RRM1: variants seen among roughly 807,000 people sequenced by gnomAD.
The protein encoded by RRM1 is ribonucleotide reductase catalytic subunit M1.
A neutral mutation model predicts 101.5 loss-of-function variants in RRM1; 19 were observed. That is an observed-to-expected ratio of 0.19 (90% CI 0.13 to 0.27). RRM1 has a LOEUF of 0.27. Among genes scored for constraint, RRM1 ranks in the 10% least tolerant of loss-of-function variants. The pLI is 1.00. For synonymous variants in RRM1, 298 were observed against 323.4 expected, an observed-to-expected ratio of 0.92 and a Z score of 0.84; for missense variants, 500 against 962.9, an observed-to-expected ratio of 0.52 and a Z score of 6.36.
intron 12 of RRM1, among the ~76,000 whole-genome samples, chr11:4,125,751 C>T (rs1010119637): frequency 1.4e-4 from 22 of 152,150 alleles, no homozygotes; most frequent in African/African-American, 4.8e-4. Context: ...AAATTATACC[C>T]CCTTCATCTT....
At chr11:4,128,241 AC>A (rs1330771097) in intron 14 of RRM1, among the ~76,000 whole-genome samples, 1 of 150,360 alleles carries the variant, frequency 6.7e-6, no homozygotes, top group Non-Finnish European at 1.5e-5. Flanking sequence ...GATCACTGCA[AC>A]CTCTGCTTCT....
At chr11:4,109,493 T>C (rs1423514973) in intron 4 of RRM1, 151 bp from the exon 5 acceptor site, 4 of 443,254 alleles carry the variant, frequency 9.0e-6, no homozygotes, top group Non-Finnish European at 1.6e-5. Flanking sequence ...GAATGTTAGA[T>C]GGACTTCTAT....
rs576139564 is a variant in RRM1 at position 4,098,630 on chromosome 11, G to T, written c.20-3363G>T. On this transcript the variant is annotated intron_variant, in intron 1 of 18. Coordinates refer to ENST00000300738, the MANE Select transcript of RRM1 (RefSeq NM_001033.5). The stretch of plus-strand genomic sequence containing the variant: ...TACTCTGATAGGTAAAGTATAGGCA[G>T]TAGAGGCCATTCATTCAGTTATTCA... 1.1e-4 allele frequency among the ~76,000 whole-genome samples: 17 copies of T among 152,304 alleles called. No homozygotes were observed. In the East Asian group the frequency reaches 3.3e-3, roughly 29 times the overall value.
At position 4,123,260 on chromosome 11, in the gene RRM1, A is replaced by C. The variant is rs1288415863; in HGVS notation, c.1196A>C (p.Glu399Ala). ...LWYAIIESQT[E>A]TGTPYMLYKD... ...TATGCCATCATTGAGTCTCAGACGG[A>C]AACAGGCACCCCGTATATGCTCTAC... Residue 399 changes from glutamate (E) to alanine (A), a missense_variant, in exon 12 of 19, where the codon GAA becomes GCA. Coordinates refer to ENST00000300738, the MANE Select transcript of RRM1 (RefSeq NM_001033.5). 1 of 1,614,064 alleles carries C rather than the reference A, an allele frequency of 6.2e-7. No individual in the cohort carries two copies. The highest frequency in any genetic ancestry group is 8.5e-7 in the Non-Finnish European group (1 of 1,180,028).
Position 4,121,752 on chromosome 11 carries a change from T to C in RRM1, c.1025T>C (p.Val342Ala). Residue 342 changes from valine (V) to alanine (A), a missense_variant, in exon 10 of 19, where the codon GTG (valine) becomes GCG (alanine). By Grantham distance (64) the Val-to-Ala change is moderately conservative (BLOSUM62 0). Transcript: ENST00000300738. ...LWIPDLFMKRVETNQDWSLMC... is the reference protein window; with the variant it reads ...LWIPDLFMKRAETNQDWSLMC... ...ATTCCGGATCTCTTCATGAAACGAGTGGAGACTAATCAGGTGAGAGATAGG... is the reference window on the plus strand; with the variant it reads ...ATTCCGGATCTCTTCATGAAACGAGCGGAGACTAATCAGGTGAGAGATAGG... 1 of 1,610,256 alleles carries C rather than the reference T, an allele frequency of 6.2e-7. No homozygotes were observed. The highest frequency in any genetic ancestry group is 8.5e-7 in the Non-Finnish European group (1 of 1,178,676).
At chr11:4,116,233 G>A (rs2094573126) in intron 7 of RRM1, 1 of 152,382 alleles carries the variant, frequency 6.6e-6, no homozygotes, top group Non-Finnish European at 1.5e-5. Flanking sequence ...AACAGGAAAG[G>A]TGAACCCGGA....
chr11:4,138,432 T>G lies in RRM1; in HGVS notation c.*49T>G. ...ATGTCTTCAGTAGCCAAACTACTTCTTGAGCATAGATAGGTATAGTGGGTT... is the reference window on the plus strand; with the variant it reads ...ATGTCTTCAGTAGCCAAACTACTTCGTGAGCATAGATAGGTATAGTGGGTT... On this transcript the variant is annotated 3_prime_UTR_variant, in exon 19 of 19. Transcript: ENST00000300738. 1 of 1,477,384 alleles carries G rather than the reference T, an allele frequency of 6.8e-7. No individual in the cohort carries two copies. The highest frequency in any genetic ancestry group is 9.1e-7 in the Non-Finnish European group (1 of 1,097,364). 91.5% of individuals were successfully genotyped at this position (1,477,384 alleles called of 1,614,324 possible). A position where few individuals can be genotyped will look rare whatever the true frequency, so the allele number is the denominator to read the frequency against.
At chr11:4,101,315 A>AT (rs111807668) in intron 1 of RRM1, among the ~76,000 whole-genome samples, 1,588 of 142,340 alleles carry the variant, frequency 0.011, 14 homozygotes, top group African/African-American at 0.033. Context: ...GATTCTGTGG[A>AT]TTTTTTTTTT....
At chr11:4,126,942 G>A (rs1485754775) in intron 13 of RRM1, 93 bp from the exon 14 acceptor site, 25 of 1,424,794 alleles carry the variant, frequency 1.8e-5, no homozygotes, top group Admixed American at 6.1e-5. Flanking sequence ...AATGGTTTGA[G>A]AAAAAGAGGT....
In RRM1 at chr11:4,106,063, A is replaced by G; in HGVS notation, c.126A>G (p.Lys42=). The stretch of plus-strand genomic sequence containing the variant: ...TTTTGTAGGCTCAGATCACCATGAA[A>G]GTAATCCAAGGCTTGTACAGTGGGG... ...DFVDPAQITM[K]VIQGLYSGVT... The change falls in exon 3 of 19, where the codon AAA becomes AAG. Residue 42 remains lysine (K), a synonymous_variant. Coordinates refer to ENST00000300738, the MANE Select transcript of RRM1 (RefSeq NM_001033.5). The G allele has an allele frequency of 6.2e-7, 1 of 1,611,966 alleles. No individual in the cohort carries two copies. Among genetic ancestry groups the G allele is most frequent in the South Asian group, 1.1e-5 (1 of 90,300 alleles).
At chr11:4,126,961 T>G in intron 13 of RRM1, 74 bp from the exon 14 acceptor site, 1 of 1,443,550 alleles carries the variant, frequency 6.9e-7, no homozygotes, top group Non-Finnish European at 9.5e-7. Context: ...GTAGTCTGTC[T>G]CATTTGGTAC....
chr11:4,120,971 G>A (rs926508189), intron 9 of RRM1, among the ~76,000 whole-genome samples: 2 of 152,222 alleles, frequency 1.3e-5, no homozygotes, highest in Non-Finnish European at 2.9e-5. Flanking sequence ...AGTGAGCCGA[G>A]ATTATACCAC....
chr11:4,120,397 CTT>C (rs1358578943), intron 9 of RRM1, among the ~76,000 whole-genome samples: 1 of 151,542 alleles, frequency 6.6e-6, no homozygotes, highest in Non-Finnish European at 1.5e-5. Context: ...TTATCTCTCT[CTT>C]ATCACCCAGG....
intron 6 of RRM1, 73 bp downstream of exon 6, chr11:4,111,713 C>A: frequency 1.5e-6 from 2 of 1,339,420 alleles, no homozygotes; most frequent in South Asian, 2.6e-5. Flanking sequence ...AGCTATAAGT[C>A]TTAATATTCT....
chr11:4,101,459 C>T (rs1826414697), intron 1 of RRM1, among the ~76,000 whole-genome samples: 1 of 151,846 alleles, frequency 6.6e-6, no homozygotes, highest in Non-Finnish European at 1.5e-5. Context: ...ATTATAGGCC[C>T]CTGCCACCAT....
chr11:4,094,751 C>T (rs980972204), upstream of RRM1: 4 of 573,430 alleles, frequency 7.0e-6, no homozygotes, highest in African/African-American at 5.6e-5. Context: ...AAGCCTACCC[C>T]GGGCGTGGGC....
At chr11:4,126,858 T>C in intron 13 of RRM1, 25 bp downstream of exon 13, 1 of 1,560,502 alleles carries the variant, frequency 6.4e-7, no homozygotes, top group Non-Finnish European at 8.8e-7. Context: ...CTCTGCTTAT[T>C]GGTAATTATT....
chr11:4,138,629 G>T lies in RRM1; in HGVS notation c.*246G>T, dbSNP rs892264890. 1.9e-5 allele frequency: 6 copies of T among 309,080 alleles called. No homozygotes were observed. Among genetic ancestry groups the T allele is most frequent in the African/African-American group, 8.5e-5 (4 of 47,128 alleles). The allele number at this position is 309,080 out of a possible 1,614,324, so 19.1% of individuals were successfully genotyped here. A position where few individuals can be genotyped will look rare whatever the true frequency, so the allele number is the denominator to read the frequency against. On this transcript the variant is annotated 3_prime_UTR_variant, in exon 19 of 19. Coordinates refer to ENST00000300738, the MANE Select transcript of RRM1 (RefSeq NM_001033.5). ...AAAAACGGATATATTGAGAATCAAA[G>T]TAGAAGTTTTAGGAATGCAAAATAA...
chr11:4,106,799 GAGC>G (rs1387848779), intron 3 of RRM1, among the ~76,000 whole-genome samples: 4 of 152,150 alleles, frequency 2.6e-5, no homozygotes, highest in African/African-American at 9.7e-5. Context: ...TAGTGGGAAA[GAGC>G]AGACTACAAT....
Sources: gnomAD v4.1 joint callset for allele counts (sites outside exome capture counted in the v4.1 genomes callset) on GRCh38, gnomAD v4.1.1 for gene constraint, MANE v1.5 for transcripts, NCBI Gene and HGNC (gene_info 2026-07-23, HGNC 2026-07-21) for gene names.